ANKRD30BL: variants seen among roughly 807,000 people sequenced by gnomAD.
ANKRD30BL encodes the protein ankyrin repeat domain 30B like, also known as putative ankyrin repeat domain-containing protein 30B-like.
ANKRD30BL carries 20 observed loss-of-function variants against 18.4 expected under a neutral mutation model. The observed-to-expected ratio is 1.09, with a 90% confidence interval of 0.77 to 1.58. The LOEUF is 1.58. Among genes scored for constraint, ANKRD30BL ranks in the 40% most tolerant of loss-of-function variants. The probability of loss-of-function intolerance (pLI) is 0.00; values close to 1 mark genes in which losing one functional copy is unlikely to be tolerated. For missense variants in ANKRD30BL, 224 were observed against 268.6 expected, an observed-to-expected ratio of 0.83 and a Z score of 1.16; for synonymous variants, 72 against 100.9, an observed-to-expected ratio of 0.71 and a Z score of 1.72.
At chr2:132,198,957 T>C (rs551988032) in intron 1 of ANKRD30BL, among the ~76,000 whole-genome samples, 1 of 152,252 alleles carries the variant, frequency 6.6e-6, no homozygotes, top group Admixed American at 6.5e-5. Flanking sequence ...TGTATTTTCT[T>C]TAGGAAAATA....
At chr2:132,175,722 G>C (rs562252009) in intron 1 of ANKRD30BL, among the ~76,000 whole-genome samples, 218 of 152,314 alleles carry the variant, frequency 1.4e-3, no homozygotes, top group Non-Finnish European at 2.4e-3. Context: ...GCGGCTTTCC[G>C]CAGTGCATTG....
chr2:132,164,228 C>T (rs182277610), upstream of ANKRD30BL, among the ~76,000 whole-genome samples: 368 of 150,662 alleles, frequency 2.4e-3, 1 homozygote, highest in African/African-American at 8.7e-3. Context: ...GTTTCTCTTC[C>T]TTTCAGTCTT....
chr2:132,254,793 G>T (rs1680776101), intron 1 of ANKRD30BL, among the ~76,000 whole-genome samples: 5 of 152,228 alleles, frequency 3.3e-5, no homozygotes, highest in African/African-American at 1.2e-4. Flanking sequence ...CCGCTCCAGG[G>T]TCACATAACT....
intron 1 of ANKRD30BL, among the ~76,000 whole-genome samples, chr2:132,242,031 G>A (rs370025895): frequency 1.0e-4 from 15 of 150,522 alleles, no homozygotes; most frequent in South Asian, 2.1e-4. Context: ...ATATCTTCAC[G>A]TAAAAAGTAG....
upstream of ANKRD30BL, among the ~76,000 whole-genome samples, chr2:132,162,157 G>C (rs139774506): frequency 5.6e-3 from 857 of 152,142 alleles, 14 homozygotes; most frequent in African/African-American, 0.02. Context: ...TCCTCAACCT[G>C]AGATCCAGGA....
At chr2:132,253,061 T>G (rs539017707) in intron 1 of ANKRD30BL, 1 of 155,594 alleles carries the variant, frequency 6.4e-6, no homozygotes, top group Admixed American at 6.5e-5. Context: ...CGGTCTACAC[T>G]TGGGGGGACA....
chr2:132,153,063 C>T (rs958982293), intron 4 of ANKRD30BL, among the ~76,000 whole-genome samples: 4 of 152,212 alleles, frequency 2.6e-5, no homozygotes, highest in Admixed American at 2.0e-4. Context: ...AAAGGCCAAT[C>T]ATTACCAGAC....
chr2:132,163,126 G>A (rs1016316187), upstream of ANKRD30BL, among the ~76,000 whole-genome samples: 1 of 152,188 alleles, frequency 6.6e-6, no homozygotes, highest in African/African-American at 2.4e-5. Context: ...GAGTGGAGCA[G>A]ATGGAGAAAC....
chr2:132,191,474 A>T (rs1678848029), intron 1 of ANKRD30BL, among the ~76,000 whole-genome samples: 3 of 152,084 alleles, frequency 2.0e-5, no homozygotes, highest in Admixed American at 2.0e-4. Flanking sequence ...ATCCAAACTG[A>T]TTATCCACTT....
intron 1 of ANKRD30BL, among the ~76,000 whole-genome samples, chr2:132,236,880 G>A (rs6727063): frequency 0.033 from 5,023 of 151,660 alleles, 293 homozygotes; most frequent in African/African-American, 0.12. Context: ...CAACCCAAAT[G>A]TCCAACAATG....
chr2:132,214,479 T>C (rs1679438174), intron 1 of ANKRD30BL, among the ~76,000 whole-genome samples: 1 of 151,802 alleles, frequency 6.6e-6, no homozygotes, highest in Non-Finnish European at 1.5e-5. Flanking sequence ...CTTTGAGGTC[T>C]ATGGTCAAAA....
intron 1 of ANKRD30BL, among the ~76,000 whole-genome samples, chr2:132,203,103 A>G (rs942445470): frequency 6.6e-6 from 1 of 152,292 alleles, no homozygotes; most frequent in African/African-American, 2.4e-5. Context: ...ACCACAAACC[A>G]CCCACCCCTG....
At chr2:132,201,516 A>G (rs1679097532) in intron 1 of ANKRD30BL, among the ~76,000 whole-genome samples, 1 of 152,242 alleles carries the variant, frequency 6.6e-6, no homozygotes, top group Non-Finnish European at 1.5e-5. Context: ...GAAGACATTT[A>G]TGCAGGCAAA....
chr2:132,168,073 C>A (rs1487495537), intron 1 of ANKRD30BL, among the ~76,000 whole-genome samples: 2 of 152,108 alleles, frequency 1.3e-5, no homozygotes, highest in African/African-American at 4.8e-5. Flanking sequence ...TGAAGAACTT[C>A]CTTTAGTATT....
intron 1 of ANKRD30BL, among the ~76,000 whole-genome samples, chr2:132,203,181 T>A (rs1383776315): frequency 6.6e-6 from 1 of 152,404 alleles, no homozygotes; most frequent in Admixed American, 6.5e-5. Flanking sequence ...GTACTGGGTC[T>A]GCAAAAGACA....
At chr2:132,214,937 G>C (rs1455621440) in intron 1 of ANKRD30BL, among the ~76,000 whole-genome samples, 1 of 152,122 alleles carries the variant, frequency 6.6e-6, no homozygotes, top group East Asian at 1.9e-4. Context: ...GAGCAGGTTT[G>C]AATCACTCTT....
Position 132,148,232 on chromosome 2 carries a change from C to G in ANKRD30BL, c.680-4G>C, listed in dbSNP as rs1364055511. 6.2e-7 allele frequency: 1 copy of G among 1,601,518 alleles called. No individual in the cohort carries two copies. The highest frequency in any genetic ancestry group is 1.3e-5 in the African/African-American group (1 of 74,702). On this transcript the variant is annotated splice_polypyrimidine_tract_variant and splice_region_variant and intron_variant, in intron 5 of 5. Transcript: ENST00000409867. ...GGTGTTCCTTCAGATGTTCCTTCTG[C>G]CAAACACAGAGTCTGGTTAAATTTT...
chr2:132,202,848 C>T (rs1229884397), intron 1 of ANKRD30BL, among the ~76,000 whole-genome samples: 1 of 152,160 alleles, frequency 6.6e-6, no homozygotes, highest in African/African-American at 2.4e-5. Context: ...CATCGGAATG[C>T]AACTTAAAAT....
At chr2:132,171,653 A>C (rs1688282964) in intron 1 of ANKRD30BL, among the ~76,000 whole-genome samples, 1 of 152,242 alleles carries the variant, frequency 6.6e-6, no homozygotes, top group Non-Finnish European at 1.5e-5. Flanking sequence ...TTTTATGCTT[A>C]ATAACAAAAA....
Sources: gnomAD v4.1 joint callset for allele counts (sites outside exome capture counted in the v4.1 genomes callset) on GRCh38, gnomAD v4.1.1 for gene constraint, MANE v1.5 for transcripts, NCBI Gene and HGNC (gene_info 2026-07-23, HGNC 2026-07-21) for gene names.